Variants in DPP6 observed in about 807,000 individuals in gnomAD.
The protein encoded by DPP6 is dipeptidyl peptidase like 6, also known as A-type potassium channel modulatory protein DPP6.
A neutral mutation model predicts 122.6 loss-of-function variants in DPP6; 69 were observed. The ratio of observed to expected loss-of-function variants is 0.56; its 90% confidence interval spans 0.46 to 0.69. The LOEUF is 0.69. Ranked by LOEUF, DPP6 falls within the 30% of genes least tolerant of loss-of-function variation. DPP6 has a pLI of 0.00. For synonymous variants in DPP6, 418 were observed against 433.1 expected (o/e 0.97, Z 0.43); for missense variants, 928 against 1,116.9 (o/e 0.83, Z 2.41).
rs543142648 is a variant in DPP6 at position 154,171,222 on chromosome 7, A to G, written c.243+118159A>G. Among the ~76,000 whole-genome samples the G allele has an allele frequency of 2.6e-5, 4 of 152,334 alleles. No homozygotes were observed. The East Asian group carries it at 7.7e-4, about 29-fold the overall frequency. On this transcript the variant is annotated intron_variant, in intron 1 of 25. Coordinates refer to ENST00000377770, the MANE Select transcript of DPP6 (RefSeq NM_130797.4). ...TTGGGACAGATGATCTTTTATGGCTATAAACATCCAGTGTGCTCCAAGGCC... is the reference window on the plus strand; with the variant it reads ...TTGGGACAGATGATCTTTTATGGCTGTAAACATCCAGTGTGCTCCAAGGCC...
intron 14 of DPP6, 79 bp from the exon 15 acceptor site, chr7:154,804,838 A>C: frequency 6.5e-7 from 1 of 1,548,700 alleles, no homozygotes; most frequent in Non-Finnish European, 8.7e-7. Context: ...AGGAGTGTCC[A>C]TAGAGGTAGT....
At chr7:154,251,240 CG>C (rs1563369933) in intron 1 of DPP6, among the ~76,000 whole-genome samples, 2 of 152,094 alleles carry the variant, frequency 1.3e-5, no homozygotes, top group African/African-American at 4.8e-5. Flanking sequence ...GGATGTTTCA[CG>C]GGAGCTACTT....
At position 154,773,634 on chromosome 7, in the gene DPP6, G is replaced by A. The variant is rs186988018; in HGVS notation, c.1136+692G>A. ...GACTCAAAAAGAGGAGGGGATTTTA[G>A]GGGTGCCAGGACCCACCCAAGTATA... On this transcript the variant is annotated intron_variant, in intron 10 of 25. Coordinates refer to ENST00000377770, the MANE Select transcript of DPP6 (RefSeq NM_130797.4). Among the ~76,000 whole-genome samples the A allele has an allele frequency of 1.4e-4, 22 of 152,294 alleles. 1 individual carries two copies. The highest frequency in any genetic ancestry group is 5.3e-4 in the African/African-American group (22 of 41,554).
At chr7:154,646,926 A>C (rs1160216352) in intron 6 of DPP6, among the ~76,000 whole-genome samples, 3 of 152,216 alleles carry the variant, frequency 2.0e-5, no homozygotes, top group Admixed American at 6.5e-5. Context: ...TTTTCAGTGG[A>C]ATCATTTAGT....
chr7:154,632,040 G>C (rs545199455), intron 5 of DPP6, among the ~76,000 whole-genome samples: 14 of 152,330 alleles, frequency 9.2e-5, no homozygotes, highest in African/African-American at 3.1e-4. Context: ...ACAGAAAAAG[G>C]AAAGTGATGT....
At chr7:153,789,173 A>C in the DPP6 span, among the ~76,000 whole-genome samples, 1 of 152,132 alleles carries the variant, frequency 6.6e-6, no homozygotes, top group Non-Finnish European at 1.5e-5. Context: ...AGTGGTGATA[A>C]GGCATTGTGT....
intron 1 of DPP6, among the ~76,000 whole-genome samples, chr7:153,999,265 G>T (rs939458718): frequency 6.6e-6 from 1 of 152,232 alleles, no homozygotes; most frequent in Non-Finnish European, 1.5e-5. Flanking sequence ...TTCTGAGTTT[G>T]CACAACTTCC....
At chr7:154,571,090 C>T (rs1831081967) in intron 5 of DPP6, among the ~76,000 whole-genome samples, 1 of 152,142 alleles carries the variant, frequency 6.6e-6, no homozygotes, top group African/African-American at 2.4e-5. Context: ...CATAACATTT[C>T]TCAGTGTACA....
In DPP6 at chr7:154,693,068, A is replaced by G. The variant is rs1239765081; in HGVS notation, c.762+23627A>G. On this transcript the variant is annotated intron_variant, in intron 7 of 25. Coordinates refer to ENST00000377770, the MANE Select transcript of DPP6 (RefSeq NM_130797.4). ...CAGCCTCCCAAAGTGCTGGGATTAC[A>G]GGTGTGAGCCACTGGGCCTGGCCCT... 2.6e-5 allele frequency among the ~76,000 whole-genome samples: 4 copies of G among 152,130 alleles called. No homozygotes were observed. The South Asian group carries it at 6.2e-4, about 24-fold the overall frequency.
chr7:153,989,644 C>G (rs1405868098), intron 1 of DPP6, among the ~76,000 whole-genome samples: 1 of 152,004 alleles, frequency 6.6e-6, no homozygotes, highest in Non-Finnish European at 1.5e-5. Flanking sequence ...CTGGAGCCCA[C>G]AGGCAGTGAC....
chr7:154,057,371 A>T, intron 1 of DPP6: 5 of 209,858 alleles, frequency 2.4e-5, no homozygotes, highest in Non-Finnish European at 4.1e-5. Context: ...ACTGAGAGCC[A>T]GCCCCTCTTC....
At position 154,061,586 on chromosome 7, in the gene DPP6, C is replaced by CT. The variant is rs1431601507; in HGVS notation, c.243+8525dup. On this transcript the variant is annotated intron_variant, in intron 1 of 25. Coordinates refer to ENST00000377770, the MANE Select transcript of DPP6 (RefSeq NM_130797.4). ...TTGTGATGGCTGAGATCCATCCCCT[C>CT]TTCCCCCCTGGCTCTTGGGACTCCC... 1.4e-5 allele frequency among the ~76,000 whole-genome samples: 2 copies of CT among 145,966 alleles called. 1 individual carries two copies. Among genetic ancestry groups the CT allele is most frequent in the Non-Finnish European group, 3.0e-5 (2 of 65,676 alleles).
intron 1 of DPP6, among the ~76,000 whole-genome samples, chr7:154,394,003 A>G (rs1348109113): frequency 6.6e-6 from 1 of 152,192 alleles, no homozygotes; most frequent in Non-Finnish European, 1.5e-5. Flanking sequence ...TCTGAATAGT[A>G]TTCCATTGTA....
intron 1 of DPP6, among the ~76,000 whole-genome samples, chr7:153,981,341 C>G (rs181767199): frequency 6.6e-6 from 1 of 152,216 alleles, no homozygotes; most frequent in African/African-American, 2.4e-5. Context: ...GGTTTAAAGT[C>G]TGTTTTATCA....
chr7:153,934,225 T>TCAGCAGG (rs1469612871), intron 1 of DPP6, among the ~76,000 whole-genome samples: 5 of 152,238 alleles, frequency 3.3e-5, no homozygotes, highest in South Asian at 4.1e-4. Context: ...CTTCTGTGGC[T>TCAGCAGG]CAGCAGGCAG....
At chr7:154,802,355 C>T (rs866361961) in intron 13 of DPP6, among the ~76,000 whole-genome samples, 7 of 68,368 alleles carry the variant, frequency 1.0e-4, no homozygotes, top group South Asian at 9.6e-4. Context: ...GTGGGGGCTG[C>T]GGGACCCCTG....
chr7:154,263,442 A>G (rs963044926), intron 1 of DPP6, among the ~76,000 whole-genome samples: 9 of 152,206 alleles, frequency 5.9e-5, no homozygotes, highest in African/African-American at 1.7e-4. Flanking sequence ...CATCGCCTCA[A>G]TGACAGAAGC....
intron 6 of DPP6, among the ~76,000 whole-genome samples, chr7:154,667,183 T>TA (rs57521090): frequency 1.3e-5 from 2 of 152,010 alleles, no homozygotes; most frequent in African/African-American, 4.8e-5. Flanking sequence ...CTTTTTTTTT[T>TA]ATAACCACAT....
chr7:154,878,101 C>T (rs1805044343), intron 20 of DPP6, among the ~76,000 whole-genome samples: 1 of 152,200 alleles, frequency 6.6e-6, no homozygotes, highest in Non-Finnish European at 1.5e-5. Flanking sequence ...GCTCTTTCCT[C>T]ACCCCACCTG....
Sources: gnomAD v4.1 joint callset for allele counts (sites outside exome capture counted in the v4.1 genomes callset) on GRCh38, gnomAD v4.1.1 for gene constraint, MANE v1.5 for transcripts, NCBI Gene and HGNC (gene_info 2026-07-23, HGNC 2026-07-21) for gene names.